SPAG16: variants seen among roughly 807,000 people sequenced by gnomAD.
SPAG16 encodes the protein sperm associated antigen 16, also known as sperm-associated antigen 16 protein.
A neutral mutation model predicts 80.4 loss-of-function variants in SPAG16; 86 were observed. The ratio of observed to expected loss-of-function variants is 1.07; its 90% CI spans 0.90 to 1.28. The LOEUF (loss-of-function observed/expected upper bound fraction) is 1.28, where lower values mean the gene tolerates loss of function less well. SPAG16 is among the 50% of genes most tolerant of loss of function. SPAG16 has a pLI of 0.00. For missense variants in SPAG16, 870 were observed against 765.3 expected (o/e 1.14, Z -1.61); for synonymous variants, 294 against 265.9 (o/e 1.11, Z -1.03).
Position 213,500,879 on chromosome 2 carries a change from C to T in SPAG16, c.1070+10789C>T, listed in dbSNP as rs560076031. Among the ~76,000 whole-genome samples the T allele has an allele frequency of 4.8e-4, 73 of 152,304 alleles. No homozygotes were observed. The South Asian group carries it at 7.5e-3, about 16-fold the overall frequency. On this transcript the variant is annotated intron_variant, in intron 10 of 15. Coordinates refer to ENST00000331683, the MANE Select transcript of SPAG16 (RefSeq NM_024532.5). ...TCCAAACAGCTCTAGCCCCTAATCA[C>T]GGCAAAGCAATATCAGGAAAGGGAT... is the stretch of plus-strand genomic sequence containing the variant.
At chr2:213,846,709 A>G (rs989488477) in intron 10 of SPAG16, among the ~76,000 whole-genome samples, 7 of 152,170 alleles carry the variant, frequency 4.6e-5, no homozygotes, top group Non-Finnish European at 1.0e-4. Flanking sequence ...TTTAATTTAA[A>G]TTTAATTTCC....
chr2:214,093,877 A>T (rs148697692), intron 13 of SPAG16, among the ~76,000 whole-genome samples: 1 of 152,202 alleles, frequency 6.6e-6, no homozygotes, highest in East Asian at 1.9e-4. Context: ...CCTCTATCCC[A>T]TGACTTTGCC....
chr2:213,853,519 T>C (rs1025272169), intron 10 of SPAG16, among the ~76,000 whole-genome samples: 1 of 152,228 alleles, frequency 6.6e-6, no homozygotes, highest in African/African-American at 2.4e-5. Flanking sequence ...AAACATTTTA[T>C]GGATACTTCA....
chr2:213,681,052 A>G (rs1427056379), intron 10 of SPAG16, among the ~76,000 whole-genome samples: 1 of 152,166 alleles, frequency 6.6e-6, no homozygotes, highest in Non-Finnish European at 1.5e-5. Context: ...AGAGAGAGAG[A>G]GCAGGTTATA....
At position 213,706,265 on chromosome 2, in the gene SPAG16, G is replaced by A. The variant is rs1163057772; in HGVS notation, c.1071-156220G>A. ...GGAGGCAGGAGGCAGAAAAGTGCTG[G>A]ACTCTATCCTCATTTGGCAAAGCTT... On this transcript the variant is annotated intron_variant, in intron 10 of 15. Transcript: ENST00000331683. 3.9e-5 allele frequency among the ~76,000 whole-genome samples: 6 copies of A among 152,272 alleles called. No individual in the cohort carries two copies. In the East Asian group the frequency reaches 1.2e-3, roughly 29 times the overall value.
At chr2:214,274,473 A>G (rs1156862970) in intron 15 of SPAG16, among the ~76,000 whole-genome samples, 1 of 152,186 alleles carries the variant, frequency 6.6e-6, no homozygotes, top group East Asian at 1.9e-4. Context: ...TGTTCCAGCA[A>G]TACCTAGTTT....
At chr2:213,769,739 T>G (rs563261472) in intron 10 of SPAG16, among the ~76,000 whole-genome samples, 20 of 152,312 alleles carry the variant, frequency 1.3e-4, no homozygotes, top group African/African-American at 4.8e-4. Context: ...GCTAAAAAAT[T>G]TTGACTGATA....
At chr2:214,265,564 A>C (rs1431587934) in intron 15 of SPAG16, among the ~76,000 whole-genome samples, 1 of 151,938 alleles carries the variant, frequency 6.6e-6, no homozygotes, top group Non-Finnish European at 1.5e-5. Flanking sequence ...TTATCTTTTT[A>C]TTCTCTTAAC....
chr2:214,172,178 C>A (rs922091900), intron 15 of SPAG16, among the ~76,000 whole-genome samples: 1 of 151,630 alleles, frequency 6.6e-6, no homozygotes, highest in South Asian at 2.1e-4. Flanking sequence ...ATGTGCCATG[C>A]TGGTGTGCTG....
At chr2:213,894,464 G>T (rs542261528) in intron 11 of SPAG16, among the ~76,000 whole-genome samples, 2 of 152,104 alleles carry the variant, frequency 1.3e-5, no homozygotes, top group Admixed American at 6.6e-5. Context: ...GGCTGCATAT[G>T]ACAAGCCCAT....
chr2:213,583,957 G>A (rs2060381021), intron 10 of SPAG16, among the ~76,000 whole-genome samples: 1 of 152,028 alleles, frequency 6.6e-6, no homozygotes, highest in Non-Finnish European at 1.5e-5. Flanking sequence ...CTACCATTTG[G>A]CTCATTAAAG....
At chr2:214,030,365 C>G (rs1262445907) in intron 13 of SPAG16, among the ~76,000 whole-genome samples, 1 of 152,062 alleles carries the variant, frequency 6.6e-6, no homozygotes, top group African/African-American at 2.4e-5. Context: ...TCCAGCACTC[C>G]CATGTTCATT....
chr2:214,132,851 G>T (rs568309028), intron 14 of SPAG16, among the ~76,000 whole-genome samples: 1 of 152,138 alleles, frequency 6.6e-6, no homozygotes, highest in Non-Finnish European at 1.5e-5. Flanking sequence ...CTAGCACTTT[G>T]GGAGGCCTAG....
At chr2:213,346,234 A>G (rs1031413566) in intron 6 of SPAG16, among the ~76,000 whole-genome samples, 1 of 152,180 alleles carries the variant, frequency 6.6e-6, no homozygotes, top group African/African-American at 2.4e-5. Context: ...TTGATTTTGT[A>G]TCCTGAGACC....
chr2:214,235,662 G>A (rs1689025214), intron 15 of SPAG16, among the ~76,000 whole-genome samples: 2 of 152,018 alleles, frequency 1.3e-5, no homozygotes, highest in African/African-American at 4.8e-5. Context: ...AATTGTCTGT[G>A]GTCGCCAAGG....
At chr2:214,049,446 T>C (rs1391582753) in intron 13 of SPAG16, among the ~76,000 whole-genome samples, 3 of 152,142 alleles carry the variant, frequency 2.0e-5, no homozygotes, top group African/African-American at 7.3e-5. Flanking sequence ...ACAGTGCTAG[T>C]TTGGAGAAAA....
At chr2:213,410,810 G>T (rs1251149467) in intron 9 of SPAG16, among the ~76,000 whole-genome samples, 3 of 152,142 alleles carry the variant, frequency 2.0e-5, no homozygotes, top group Non-Finnish European at 4.4e-5. Flanking sequence ...GGCATGGGCT[G>T]CATGGTAGCT....
chr2:213,325,430 G>C (rs1050319136), intron 5 of SPAG16, among the ~76,000 whole-genome samples: 2 of 151,906 alleles, frequency 1.3e-5, no homozygotes, highest in African/African-American at 4.8e-5. Flanking sequence ...CTTTACTATA[G>C]GAATACATAA....
chr2:213,444,254 G>T (rs2071162698), intron 9 of SPAG16, among the ~76,000 whole-genome samples: 1 of 152,152 alleles, frequency 6.6e-6, no homozygotes. Flanking sequence ...AGAGTTAGAG[G>T]TTCTCTCCTG....
Sources: allele counts gnomAD v4.1 joint callset (sites outside exome capture counted in the v4.1 genomes callset), GRCh38; gene constraint gnomAD v4.1.1; transcripts MANE v1.5; gene names NCBI Gene and HGNC (gene_info 2026-07-23, HGNC 2026-07-21).